TMEM132C: variants seen among roughly 807,000 people sequenced by gnomAD.
TMEM132C encodes protein phosphatase 1, regulatory subunit 152.
In TMEM132C, 29 loss-of-function variants were observed where a neutral mutation model predicts 61.4. The observed-to-expected ratio is 0.47, with a 90% confidence interval of 0.35 to 0.64. The LOEUF (loss-of-function observed/expected upper bound fraction) is 0.64, where lower values mean the gene tolerates loss of function less well. Among genes scored for constraint, TMEM132C ranks in the 30% least tolerant of loss-of-function variants. The pLI is 0.00. For missense variants in TMEM132C, 1,408 were observed against 1,476.9 expected (o/e 0.95, Z 0.76); for synonymous variants, 656 against 633.1 (o/e 1.04, Z -0.54).
chr12:128,396,503 A>G (rs1266040136), intron 1 of TMEM132C, among the ~76,000 whole-genome samples: 1 of 152,094 alleles, frequency 6.6e-6, no homozygotes, highest in Non-Finnish European at 1.5e-5. Flanking sequence ...GCAAACCACC[A>G]TGGCACATGT....
At chr12:128,673,295 C>T (rs903239826) in intron 5 of TMEM132C, among the ~76,000 whole-genome samples, 3 of 152,222 alleles carry the variant, frequency 2.0e-5, no homozygotes, top group Admixed American at 2.0e-4. Flanking sequence ...TGTCTCTCTA[C>T]TATGTGAGGA....
intron 1 of TMEM132C, among the ~76,000 whole-genome samples, chr12:128,307,323 C>T (rs577327364): frequency 1.3e-5 from 2 of 152,034 alleles, no homozygotes; most frequent in South Asian, 4.2e-4. Flanking sequence ...ATACAAATAT[C>T]TCAACTGGAA....
intron 2 of TMEM132C, among the ~76,000 whole-genome samples, chr12:128,508,079 T>G (rs1310939115): frequency 6.6e-6 from 1 of 152,192 alleles, no homozygotes; most frequent in Non-Finnish European, 1.5e-5. Flanking sequence ...TCCGTTTTCA[T>G]GCGGCTGATG....
chr12:128,694,352 C>CA lies in TMEM132C; in HGVS notation c.1655+326dup, dbSNP rs35339248. ...AATTTGAAGTTTGGTTTATTTTCTC[C>CA]AAAAAAAAGTCAGTCCTTTCCTGTG... On this transcript the variant is annotated intron_variant, in intron 6 of 8. Transcript: ENST00000435159. 4.0e-5 allele frequency among the ~76,000 whole-genome samples: 6 copies of CA among 151,752 alleles called. No homozygotes were observed. The East Asian group carries it at 5.8e-4, about 15-fold the overall frequency.
chr12:128,705,504 G>A lies in TMEM132C; in HGVS notation c.2536G>A (p.Val846Met), dbSNP rs780371502. 1.1e-4 allele frequency: 170 copies of A among 1,550,798 alleles called. No individual in the cohort carries two copies. The highest frequency in any genetic ancestry group is 1.3e-4 in the Non-Finnish European group (146 of 1,146,956). The change falls in exon 9 of 9, where the codon GTG becomes ATG. Residue 846 changes from valine (V) to methionine (M), a missense_variant. By Grantham distance (21) the Val-to-Met change is conservative. Coordinates refer to ENST00000435159, the MANE Select transcript of TMEM132C (RefSeq NM_001136103.3). ...TGGGCACCTCTATGGCAGCTCTCCC[G>A]TGGAGCGTGAGGAAGGGGCTCTCCG... ...QDGHLYGSSPVEREEGALRRA... is the reference protein window; with the variant it reads ...QDGHLYGSSPMEREEGALRRA...
At chr12:128,458,709 C>CAT (rs1347928574) in intron 2 of TMEM132C, among the ~76,000 whole-genome samples, 1 of 152,156 alleles carries the variant, frequency 6.6e-6, no homozygotes, top group Non-Finnish European at 1.5e-5. Context: ...TGCCAGTTTC[C>CAT]ATGGTGTACA....
chr12:128,611,897 C>A (rs1001062305), intron 3 of TMEM132C, among the ~76,000 whole-genome samples: 2 of 152,166 alleles, frequency 1.3e-5, no homozygotes, highest in African/African-American at 4.8e-5. Flanking sequence ...GCGGAACCAG[C>A]GACACCAAAT....
intron 1 of TMEM132C, among the ~76,000 whole-genome samples, chr12:128,269,748 G>A (rs144945736): frequency 3.5e-4 from 53 of 151,680 alleles, no homozygotes; most frequent in African/African-American, 1.3e-3. Context: ...TCCTCCACAC[G>A]TAAAGCGTTT....
chr12:128,335,358 A>G (rs79180813), intron 1 of TMEM132C, among the ~76,000 whole-genome samples: 1 of 152,384 alleles, frequency 6.6e-6, no homozygotes, highest in Non-Finnish European at 1.5e-5. Flanking sequence ...CGTTTATGCA[A>G]TAAAGGTACA....
At chr12:128,497,653 G>C (rs1368788933) in intron 2 of TMEM132C, among the ~76,000 whole-genome samples, 1 of 152,224 alleles carries the variant, frequency 6.6e-6, no homozygotes, top group African/African-American at 2.4e-5. Flanking sequence ...TAATCTCCTG[G>C]TGTGCCGTTT....
intron 2 of TMEM132C, among the ~76,000 whole-genome samples, chr12:128,507,435 C>G (rs1227596335): frequency 2.2e-5 from 3 of 139,122 alleles, no homozygotes; most frequent in Non-Finnish European, 4.6e-5. Context: ...TAAGACCAAG[C>G]CATCCCCGCA....
rs556793137 is a variant in TMEM132C at position 128,458,375 on chromosome 12, A to G, written c.974+42755A>G. On this transcript the variant is annotated intron_variant, in intron 2 of 8. Coordinates refer to ENST00000435159, the MANE Select transcript of TMEM132C (RefSeq NM_001136103.3). ...ACTGCTATAACAGAAACCCAAAATA[A>G]TAATGATTTGGACAAAATACAATTT... Among the ~76,000 whole-genome samples, 16 of 151,186 alleles carry G rather than the reference A, an allele frequency of 1.1e-4. No individual in the cohort carries two copies. The South Asian group carries it at 3.1e-3, about 30-fold the overall frequency.
chr12:128,669,441 G>A lies in TMEM132C; in HGVS notation c.1330G>A (p.Val444Ile), dbSNP rs4272850. The change falls in exon 5 of 9, where the codon GTA (valine) becomes ATA (isoleucine). Residue 444 changes from valine to isoleucine, a missense_variant. Physicochemically the swap from Val to Ile is conservative, Grantham distance 29 (BLOSUM62 3). Transcript: ENST00000435159. ...AMDTEILNTA[V>I]LTGKTVAMPI... is the part of the protein sequence containing the mutation. ...GGACACTGAAATTCTGAACACCGCCGTACTCACAGGAAAGACAGTTGCCAT... is the reference window on the plus strand; with the variant it reads ...GGACACTGAAATTCTGAACACCGCCATACTCACAGGAAAGACAGTTGCCAT... 0.27 allele frequency: 414,640 copies of A among 1,551,076 alleles called. 57,719 individuals carry two copies. Among genetic ancestry groups the A allele is most frequent in the African/African-American group, 0.43 (31,612 of 72,992 alleles).
chr12:128,544,457 G>A (rs371493772), intron 3 of TMEM132C, among the ~76,000 whole-genome samples: 2 of 152,346 alleles, frequency 1.3e-5, no homozygotes, highest in African/African-American at 4.8e-5. Flanking sequence ...TTTTCATGAA[G>A]GGGAAGATTG....
chr12:128,701,558 G>A lies in TMEM132C; in HGVS notation c.2122-3532G>A, dbSNP rs1015805631. ...TGCTAGCATTCTTCCTTGGTCCTGC[G>A]GGATGTAGAGTCATCATTGCTGTGA... On this transcript the variant is annotated intron_variant, in intron 8 of 8. Coordinates refer to ENST00000435159, the MANE Select transcript of TMEM132C (RefSeq NM_001136103.3). Among the ~76,000 whole-genome samples, 17 of 152,124 alleles carry A rather than the reference G, an allele frequency of 1.1e-4. No homozygotes were observed. In the East Asian group the frequency reaches 1.5e-3, roughly 14 times the overall value.
chr12:128,681,817 A>ATTTTTTTT (rs35154554), intron 5 of TMEM132C, among the ~76,000 whole-genome samples: 1,186 of 86,180 alleles, frequency 0.014, no homozygotes, highest in Non-Finnish European at 0.017. Context: ...CCACGCCTGG[A>ATTTTTTTT]TTTTTTTTTT....
chr12:128,686,117 T>C (rs374630628), intron 5 of TMEM132C, among the ~76,000 whole-genome samples: 4 of 128,938 alleles, frequency 3.1e-5, no homozygotes, highest in African/African-American at 1.0e-4. Flanking sequence ...CATGTGTGTG[T>C]GCATGTATGT....
chr12:128,543,792 C>T (rs1208214371), intron 2 of TMEM132C, among the ~76,000 whole-genome samples, 165 bp from the exon 3 acceptor site: 1 of 152,106 alleles, frequency 6.6e-6, no homozygotes, highest in Non-Finnish European at 1.5e-5. Flanking sequence ...TCCCGCTCGC[C>T]CTGCCCTGGC....
At chr12:128,411,519 G>A (rs1188749876) in intron 1 of TMEM132C, among the ~76,000 whole-genome samples, 1 of 152,126 alleles carries the variant, frequency 6.6e-6, no homozygotes, top group Non-Finnish European at 1.5e-5. Context: ...CAGTGCTGCT[G>A]TTCCTGCATC....
Sources: gnomAD v4.1 joint callset for allele counts (sites outside exome capture counted in the v4.1 genomes callset) on GRCh38, gnomAD v4.1.1 for gene constraint, MANE v1.5 for transcripts, NCBI Gene and HGNC (gene_info 2026-07-23, HGNC 2026-07-21) for gene names.